Variants in RIT2 observed in about 807,000 individuals in gnomAD.
The protein encoded by RIT2 is Ras like without CAAX 2.
In RIT2, 24 loss-of-function variants were observed where a neutral mutation model predicts 23.7. The observed-to-expected ratio is 1.01, with a 90% CI of 0.73 to 1.43. The LOEUF is 1.43. Ranked by LOEUF, RIT2 falls within the 40% of genes most tolerant of loss-of-function variation. RIT2 has a pLI of 0.00. For missense variants in RIT2, 236 were observed against 266.9 expected (o/e 0.88, Z 0.81); for synonymous variants, 107 against 91.1 (o/e 1.17, Z -0.99).
chr18:42,917,840 C>A (rs1397054776), intron 4 of RIT2, among the ~76,000 whole-genome samples: 5 of 152,110 alleles, frequency 3.3e-5, no homozygotes, highest in African/African-American at 1.2e-4. Flanking sequence ...CCTCCCCACA[C>A]TCCGGAGTTG....
chr18:43,105,481 G>GGAGGAAGA (rs149976917), intron 1 of RIT2, among the ~76,000 whole-genome samples: 124 of 118,254 alleles, frequency 1.0e-3, no homozygotes, highest in African/African-American at 2.9e-3. Flanking sequence ...AGAGAGGAAG[G>GGAGGAAGA]GAGGAAGGGA....
At chr18:43,114,723 TTC>T (rs575426636) in intron 1 of RIT2, among the ~76,000 whole-genome samples, 257 of 152,278 alleles carry the variant, frequency 1.7e-3, no homozygotes, top group African/African-American at 5.8e-3. Context: ...CAACTGACAC[TTC>T]CGTTCTTTAT....
rs147557953 is a variant in RIT2 at position 42,918,222 on chromosome 18, A to G, written c.426+5350T>C. 4.5e-3 allele frequency among the ~76,000 whole-genome samples: 683 copies of G among 152,270 alleles called. 8 individuals are homozygous for G. Among genetic ancestry groups the G allele is most frequent in the African/African-American group, 0.015 (644 of 41,564 alleles). ...CATTGGGAAAATGAATTAAATTTAA[A>G]AAATGACAGTAGCGAAAACATATAT... is the stretch of plus-strand genomic sequence containing the variant. On this transcript the variant is annotated intron_variant, in intron 4 of 4. Transcript: ENST00000326695.
rs570701535 is a variant in RIT2, at chr18:42,837,153, C to CTTTTTTTTTT, written c.426+86409_426+86418dup. 9.8e-3 allele frequency among the ~76,000 whole-genome samples: 509 copies of CTTTTTTTTTT among 51,724 alleles called. 69 individuals carry two copies. The highest frequency in any genetic ancestry group is 0.012 in the Admixed American group (34 of 2,730). 33.9% of individuals were successfully genotyped at this position (51,724 alleles called of 152,430 possible). On this transcript the variant is annotated intron_variant, in intron 4 of 4. Coordinates refer to ENST00000326695, the MANE Select transcript of RIT2 (RefSeq NM_002930.4). ...TAAAAATTTCTTTTTTTTTCTTTTT[C>CTTTTTTTTTT]TTTTTTTTTTTTTTTTTTTTTTTTT...
chr18:43,030,979 G>A (rs1166042875), intron 2 of RIT2, among the ~76,000 whole-genome samples: 1 of 151,990 alleles, frequency 6.6e-6, no homozygotes, highest in Non-Finnish European at 1.5e-5. Context: ...TAAGACTGTA[G>A]GTATCTAAAC....
chr18:42,918,919 G>A (rs483091), intron 4 of RIT2, among the ~76,000 whole-genome samples: 128,577 of 152,108 alleles, frequency 0.85, 55,345 homozygotes, highest in East Asian at 1. Context: ...CAGTATCTTC[G>A]TTCTTCAAAT....
At chr18:42,808,607 A>T (rs769505989) in intron 4 of RIT2, among the ~76,000 whole-genome samples, 10 of 152,198 alleles carry the variant, frequency 6.6e-5, no homozygotes, top group Non-Finnish European at 1.2e-4. Flanking sequence ...TAAGAGGGAA[A>T]GGCATAGTTA....
At chr18:43,037,717 A>G (rs1912013098) in intron 1 of RIT2, among the ~76,000 whole-genome samples, 1 of 152,104 alleles carries the variant, frequency 6.6e-6, no homozygotes, top group Non-Finnish European at 1.5e-5. Context: ...TCATGGGTAC[A>G]GTATTTCCAG....
intron 4 of RIT2, among the ~76,000 whole-genome samples, chr18:42,758,309 T>C (rs1913213039): frequency 6.6e-6 from 1 of 152,170 alleles, no homozygotes; most frequent in Admixed American, 6.5e-5. Flanking sequence ...TCACAATCTG[T>C]ATTCCATTTC....
chr18:42,983,168 T>C (rs1910635427), intron 2 of RIT2, among the ~76,000 whole-genome samples: 1 of 152,018 alleles, frequency 6.6e-6, no homozygotes, highest in African/African-American at 2.4e-5. Flanking sequence ...GACACATAGA[T>C]AGATAGAACA....
intron 4 of RIT2, among the ~76,000 whole-genome samples, chr18:42,854,639 G>A (rs1194965157): frequency 6.6e-6 from 1 of 152,044 alleles, no homozygotes; most frequent in East Asian, 1.9e-4. Flanking sequence ...TATGAGACCA[G>A]GCATACCGTT....
chr18:43,013,978 T>C (rs1271126331), intron 2 of RIT2, among the ~76,000 whole-genome samples: 3 of 151,818 alleles, frequency 2.0e-5, no homozygotes, highest in Non-Finnish European at 2.9e-5. Flanking sequence ...ATTTATTCAC[T>C]AAGTAAAATT....
rs140184664 is a variant in RIT2 at position 42,814,557 on chromosome 18, C to T, written c.427-70837G>A. 8.9e-3 allele frequency among the ~76,000 whole-genome samples: 1,362 copies of T among 152,232 alleles called. 15 individuals carry two copies. Among genetic ancestry groups the T allele is most frequent in the African/African-American group, 0.029 (1,207 of 41,526 alleles). On this transcript the variant is annotated intron_variant, in intron 4 of 4. Coordinates refer to ENST00000326695, the MANE Select transcript of RIT2 (RefSeq NM_002930.4). ...TCACCCCCATCCCCCACAGCAGGTG[C>T]AGCAAGACCTGCCCAAGAAGAGTCT...
chr18:42,756,345 C>G (rs747820683), intron 4 of RIT2, among the ~76,000 whole-genome samples: 8 of 152,060 alleles, frequency 5.3e-5, no homozygotes, highest in Non-Finnish European at 1.0e-4. Context: ...TTCTGAGACA[C>G]GGGATGGTAA....
intron 1 of RIT2, among the ~76,000 whole-genome samples, chr18:43,075,083 G>A (rs142099151): frequency 2.1e-3 from 321 of 152,022 alleles, no homozygotes; most frequent in Non-Finnish European, 3.8e-3. Context: ...AATTTTAAAA[G>A]ACTCTTTTAA....
intron 4 of RIT2, among the ~76,000 whole-genome samples, chr18:42,761,240 T>C (rs1913295076): frequency 6.6e-6 from 1 of 152,202 alleles, no homozygotes; most frequent in Admixed American, 6.5e-5. Flanking sequence ...TGTCTTTTTT[T>C]GTAACTTCAC....
At chr18:42,797,264 GA>G (rs1275988924) in intron 4 of RIT2, among the ~76,000 whole-genome samples, 1 of 152,068 alleles carries the variant, frequency 6.6e-6, no homozygotes, top group Non-Finnish European at 1.5e-5. Flanking sequence ...TAAAAAATCA[GA>G]AAGTCCATGG....
chr18:42,839,229 C>T (rs1188655461), intron 4 of RIT2, among the ~76,000 whole-genome samples: 1 of 152,052 alleles, frequency 6.6e-6, no homozygotes, highest in Non-Finnish European at 1.5e-5. Flanking sequence ...ATCAATACCC[C>T]TAATGCATAA....
intron 1 of RIT2, among the ~76,000 whole-genome samples, chr18:43,047,238 C>T (rs757887046): frequency 5.9e-5 from 9 of 152,000 alleles, no homozygotes; most frequent in South Asian, 2.1e-4. Context: ...TATAATCTTC[C>T]GCTTTTTCAC....
Sources: allele counts gnomAD v4.1 joint callset (sites outside exome capture counted in the v4.1 genomes callset), GRCh38; gene constraint gnomAD v4.1.1; transcripts MANE v1.5; gene names NCBI Gene and HGNC (gene_info 2026-07-23, HGNC 2026-07-21).